Variants in KCNMB2 observed in about 807,000 individuals in gnomAD.
KCNMB2 encodes the protein potassium calcium-activated channel subfamily M regulatory beta subunit 2.
KCNMB2 carries 9 observed loss-of-function variants against 24.5 expected under a neutral mutation model. That is an observed-to-expected ratio of 0.37 (90% CI 0.22 to 0.64). The LOEUF (loss-of-function observed/expected upper bound fraction) is 0.64. Among genes scored for constraint, KCNMB2 ranks in the 30% least tolerant of loss-of-function variants. The pLI is 0.63. For missense variants in KCNMB2, 226 were observed against 284.3 expected, an observed-to-expected ratio of 0.79 and a Z score of 1.47; for synonymous variants, 109 against 104.4, an observed-to-expected ratio of 1.04 and a Z score of -0.27.
chr3:178,567,207 G>T (rs1191550511), intron 1 of KCNMB2, among the ~76,000 whole-genome samples: 1 of 152,148 alleles, frequency 6.6e-6, no homozygotes, highest in Non-Finnish European at 1.5e-5. Flanking sequence ...ACATGTAGAT[G>T]AGAGTACACA....
At chr3:178,756,962 A>AG (rs1168805328) in intron 1 of KCNMB2, 1 of 151,980 alleles carries the variant, frequency 6.6e-6, no homozygotes, top group Non-Finnish European at 1.5e-5. Flanking sequence ...AAAAATTGCC[A>AG]AGAAAAAGTA....
At chr3:178,698,214 C>G (rs1721950738) in intron 1 of KCNMB2, among the ~76,000 whole-genome samples, 2 of 152,158 alleles carry the variant, frequency 1.3e-5, no homozygotes, top group African/African-American at 2.4e-5. Flanking sequence ...TCCATTCTCC[C>G]CATCTCTTTC....
At chr3:178,789,113 A>C (rs1302914721) in intron 1 of KCNMB2, among the ~76,000 whole-genome samples, 1 of 152,248 alleles carries the variant, frequency 6.6e-6, no homozygotes, top group African/African-American at 2.4e-5. Context: ...AAAGCTGTGA[A>C]TAAAAGCCCA....
intron 1 of KCNMB2, among the ~76,000 whole-genome samples, chr3:178,739,173 C>T (rs2108375241): frequency 6.6e-6 from 1 of 151,812 alleles, no homozygotes; most frequent in African/African-American, 2.4e-5. Context: ...AGTGGGCCAA[C>T]CCCACTTCCA....
chr3:178,803,191 T>G (rs572858101), intron 1 of KCNMB2, among the ~76,000 whole-genome samples: 2 of 152,240 alleles, frequency 1.3e-5, no homozygotes, highest in Non-Finnish European at 2.9e-5. Context: ...AGTCACAGAG[T>G]TGGCATATGG....
At chr3:178,676,152 G>A (rs1417469904) in intron 1 of KCNMB2, among the ~76,000 whole-genome samples, 2 of 152,128 alleles carry the variant, frequency 1.3e-5, no homozygotes, top group Non-Finnish European at 2.9e-5. Context: ...CCCAGGCCTG[G>A]AAAAGGGAGT....
At chr3:178,757,610 A>C (rs192242041) in intron 1 of KCNMB2, among the ~76,000 whole-genome samples, 20 of 51,822 alleles carry the variant, frequency 3.9e-4, no homozygotes, top group Non-Finnish European at 6.4e-4. Flanking sequence ...ATATATGTAT[A>C]TATATCCAAG....
intron 1 of KCNMB2, among the ~76,000 whole-genome samples, chr3:178,784,927 T>C (rs1333717642): frequency 6.6e-6 from 1 of 150,682 alleles, no homozygotes; most frequent in Non-Finnish European, 1.5e-5. Context: ...GTATCCACTC[T>C]TAATGTTGGC....
chr3:178,838,233 G>C (rs1456153379), intron 4 of KCNMB2, among the ~76,000 whole-genome samples: 1 of 152,110 alleles, frequency 6.6e-6, no homozygotes, highest in Non-Finnish European at 1.5e-5. Flanking sequence ...TTTTGATCCA[G>C]AGGCATCTAA....
chr3:178,617,678 A>G (rs904986571), intron 1 of KCNMB2, among the ~76,000 whole-genome samples: 4 of 152,052 alleles, frequency 2.6e-5, no homozygotes, highest in African/African-American at 9.7e-5. Flanking sequence ...TCACAAGGTC[A>G]GGAGATCAAG....
At chr3:178,701,529 G>T (rs774948525) in intron 1 of KCNMB2, among the ~76,000 whole-genome samples, 2 of 151,712 alleles carry the variant, frequency 1.3e-5, no homozygotes, top group African/African-American at 4.8e-5. Context: ...ATGGCATTGG[G>T]CTAATATCCA....
At chr3:178,698,178 T>A (rs1236384385) in intron 1 of KCNMB2, among the ~76,000 whole-genome samples, 1 of 152,222 alleles carries the variant, frequency 6.6e-6, no homozygotes, top group East Asian at 1.9e-4. Flanking sequence ...ATGGAAAACA[T>A]CCTGAAATAA....
chr3:178,799,493 T>C (rs1458467046), intron 1 of KCNMB2, among the ~76,000 whole-genome samples: 1 of 151,970 alleles, frequency 6.6e-6, no homozygotes, highest in East Asian at 1.9e-4. Flanking sequence ...AACTCTACAA[T>C]GAAAACTATA....
chr3:178,804,807 A>G (rs1431279560), intron 1 of KCNMB2, among the ~76,000 whole-genome samples: 1 of 152,230 alleles, frequency 6.6e-6, no homozygotes, highest in East Asian at 1.9e-4. Flanking sequence ...AAACCCTGTG[A>G]AGGAATGACT....
chr3:178,682,036 A>G (rs1721288349), intron 1 of KCNMB2, among the ~76,000 whole-genome samples: 1 of 152,066 alleles, frequency 6.6e-6, no homozygotes, highest in Non-Finnish European at 1.5e-5. Flanking sequence ...AAGCCTGCTA[A>G]TTTTTGTGTT....
intron 1 of KCNMB2, among the ~76,000 whole-genome samples, chr3:178,669,521 T>C (rs1424555525): frequency 1.3e-5 from 2 of 152,128 alleles, no homozygotes; most frequent in Non-Finnish European, 2.9e-5. Flanking sequence ...GGAACAATAC[T>C]GTAATTCACC....
chr3:178,719,981 G>GT (rs140503357), intron 1 of KCNMB2, among the ~76,000 whole-genome samples: 76 of 150,898 alleles, frequency 5.0e-4, no homozygotes, highest in African/African-American at 8.0e-4. Context: ...TTTTTTCAGT[G>GT]TTTTTTTTTA....
chr3:178,651,144 G>A (rs1011257414), intron 1 of KCNMB2, among the ~76,000 whole-genome samples: 4 of 151,896 alleles, frequency 2.6e-5, no homozygotes, highest in African/African-American at 9.7e-5. Flanking sequence ...TGACATGATT[G>A]TATATTTGGA....
At chr3:178,712,400 G>A (rs1039315051) in intron 1 of KCNMB2, among the ~76,000 whole-genome samples, 1 of 152,118 alleles carries the variant, frequency 6.6e-6, no homozygotes, top group Non-Finnish European at 1.5e-5. Context: ...ATAAGTGTGG[G>A]GTTACGTTGA....
Sources: allele counts gnomAD v4.1 joint callset (sites outside exome capture counted in the v4.1 genomes callset), GRCh38; gene constraint gnomAD v4.1.1; transcripts MANE v1.5; gene names NCBI Gene and HGNC (gene_info 2026-07-23, HGNC 2026-07-21).